Variants in CDKAL1 observed in about 807,000 individuals in gnomAD.
CDKAL1 encodes threonylcarbamoyladenosine tRNA methylthiotransferase.
In CDKAL1, 32 loss-of-function variants were observed where a neutral mutation model predicts 68.2. That is an observed-to-expected ratio of 0.47 (90% CI 0.35 to 0.63). The LOEUF is 0.63. CDKAL1 is among the 30% of genes least tolerant of loss of function. The pLI is 0.00. For missense variants in CDKAL1, 606 were observed against 696.7 expected (o/e 0.87, Z 1.47); for synonymous variants, 234 against 244.3 (o/e 0.96, Z 0.39).
At chr6:21,024,800 T>A (rs1420354933) in intron 11 of CDKAL1, among the ~76,000 whole-genome samples, 1 of 152,194 alleles carries the variant, frequency 6.6e-6, no homozygotes, top group Non-Finnish European at 1.5e-5. Context: ...TCTGGGCACA[T>A]GGGAACTGCT....
chr6:21,114,205 G>A (rs1245385423), intron 13 of CDKAL1, among the ~76,000 whole-genome samples: 2 of 138,018 alleles, frequency 1.4e-5, no homozygotes, highest in Non-Finnish European at 3.0e-5. Context: ...CCGAGATCTC[G>A]CCACTGCACT....
chr6:21,065,407 C>G (rs774925898), intron 12 of CDKAL1, among the ~76,000 whole-genome samples, 179 bp downstream of exon 12: 2 of 151,846 alleles, frequency 1.3e-5, no homozygotes, highest in African/African-American at 4.8e-5. Flanking sequence ...CCTTAGGCAA[C>G]TAAAATATAA....
At chr6:20,909,482 TAAGCTATTA>T (rs1336514397) in intron 9 of CDKAL1, among the ~76,000 whole-genome samples, 1 of 152,248 alleles carries the variant, frequency 6.6e-6, no homozygotes, top group Non-Finnish European at 1.5e-5. Context: ...TAGTTACATC[TAAGCTATTA>T]TTGCTTATGC....
chr6:21,179,669 G>A (rs1383864830), intron 13 of CDKAL1, among the ~76,000 whole-genome samples: 1 of 152,100 alleles, frequency 6.6e-6, no homozygotes, highest in Non-Finnish European at 1.5e-5. Flanking sequence ...TTTGTTTGCT[G>A]CAGTAGTCTT....
chr6:20,910,507 C>T (rs1414704519), intron 9 of CDKAL1, among the ~76,000 whole-genome samples: 2 of 152,156 alleles, frequency 1.3e-5, no homozygotes, highest in Non-Finnish European at 2.9e-5. Flanking sequence ...AGTAGCTGTT[C>T]AAATTTGTTA....
Position 21,213,247 on chromosome 6 carries a change from G to A in CDKAL1, c.1548+11973G>A, listed in dbSNP as rs940993806. ...CATTTGATAGGATGGTTTTGATGTCGAAGTGAGATAAAGCTTGGGAAGCCC... is the reference window on the plus strand; with the variant it reads ...CATTTGATAGGATGGTTTTGATGTCAAAGTGAGATAAAGCTTGGGAAGCCC... On this transcript the variant is annotated intron_variant, in intron 15 of 15. Transcript: ENST00000274695. Among the ~76,000 whole-genome samples, 18 of 152,270 alleles carry A rather than the reference G, an allele frequency of 1.2e-4. 1 individual carries two copies. In the East Asian group the frequency reaches 2.9e-3, roughly 25 times the overall value.
chr6:21,007,742 T>C (rs1318574313), intron 11 of CDKAL1, among the ~76,000 whole-genome samples: 1 of 152,202 alleles, frequency 6.6e-6, no homozygotes, highest in African/African-American at 2.4e-5. Context: ...GCACTACTGT[T>C]AAAGCATTGT....
At chr6:20,595,702 G>A (rs1007750107) in intron 4 of CDKAL1, among the ~76,000 whole-genome samples, 3 of 152,094 alleles carry the variant, frequency 2.0e-5, no homozygotes, top group African/African-American at 7.2e-5. Context: ...TCTCTGTCCA[G>A]TTTTGTTCCC....
chr6:20,972,223 A>G (rs909012821), intron 10 of CDKAL1, among the ~76,000 whole-genome samples: 2 of 152,204 alleles, frequency 1.3e-5, no homozygotes, highest in African/African-American at 2.4e-5. Flanking sequence ...AGATCTCTCT[A>G]TTGCCAAAAA....
intron 4 of CDKAL1, among the ~76,000 whole-genome samples, chr6:20,628,701 G>C (rs1312000847): frequency 6.6e-6 from 1 of 151,750 alleles, no homozygotes; most frequent in Non-Finnish European, 1.5e-5. Flanking sequence ...GAATCATGTT[G>C]TATGTTTTAT....
At chr6:21,014,917 A>G (rs1444906720) in intron 11 of CDKAL1, among the ~76,000 whole-genome samples, 1 of 152,214 alleles carries the variant, frequency 6.6e-6, no homozygotes, top group African/African-American at 2.4e-5. Flanking sequence ...TAACTGCTAG[A>G]GGTTTTTTTC....
intron 2 of CDKAL1, among the ~76,000 whole-genome samples, chr6:20,537,814 C>T (rs7753670): frequency 0.071 from 10,818 of 152,166 alleles, 560 homozygotes; most frequent in African/African-American, 0.14. Context: ...AGCTATTACG[C>T]TGCTTTCCTT....
intron 4 of CDKAL1, 71 bp downstream of exon 4, chr6:20,548,776 G>A (rs34182285): frequency 1.5e-6 from 1 of 680,626 alleles, no homozygotes; most frequent in East Asian, 2.8e-5. Flanking sequence ...AAATAGCCTA[G>A]CAGTTAAAGG....
At chr6:20,611,870 C>T (rs1766632815) in intron 4 of CDKAL1, among the ~76,000 whole-genome samples, 1 of 152,102 alleles carries the variant, frequency 6.6e-6, no homozygotes, top group South Asian at 2.1e-4. Context: ...TATGTTTGTA[C>T]CTATTAACCA....
intron 5 of CDKAL1, among the ~76,000 whole-genome samples, chr6:20,660,456 G>T (rs1229740066): frequency 2.0e-5 from 3 of 152,190 alleles, no homozygotes; most frequent in African/African-American, 7.2e-5. Flanking sequence ...CTGTGTATTT[G>T]TAGAAAGGGA....
At chr6:20,916,867 T>C (rs113609177) in intron 9 of CDKAL1, among the ~76,000 whole-genome samples, 4,195 of 152,140 alleles carry the variant, frequency 0.028, 202 homozygotes, top group African/African-American at 0.096. Flanking sequence ...GACTAAAGTA[T>C]ACCAAAACAA....
intron 5 of CDKAL1, among the ~76,000 whole-genome samples, chr6:20,689,883 G>A (rs1188600431): frequency 1.3e-5 from 2 of 152,168 alleles, no homozygotes; most frequent in Non-Finnish European, 2.9e-5. Flanking sequence ...TGTTTTTATT[G>A]TATAAGGCTT....
At chr6:21,043,236 T>C (rs1157784119) in intron 11 of CDKAL1, among the ~76,000 whole-genome samples, 1 of 152,170 alleles carries the variant, frequency 6.6e-6, no homozygotes, top group Non-Finnish European at 1.5e-5. Flanking sequence ...TTGGTTAAAT[T>C]ATCTGTCAGT....
chr6:21,047,095 T>C (rs904715179), intron 11 of CDKAL1, among the ~76,000 whole-genome samples: 2 of 96,970 alleles, frequency 2.1e-5, no homozygotes, highest in Non-Finnish European at 4.5e-5. Context: ...ATTTTTTGTG[T>C]TTTTTTTTTT....
Sources: gnomAD v4.1 joint callset for allele counts (sites outside exome capture counted in the v4.1 genomes callset) on GRCh38, gnomAD v4.1.1 for gene constraint, MANE v1.5 for transcripts, NCBI Gene and HGNC (gene_info 2026-07-23, HGNC 2026-07-21) for gene names.